Variants in KCNAB1 observed in about 807,000 individuals in gnomAD.
The protein encoded by KCNAB1 is potassium voltage-gated channel subfamily A regulatory beta subunit 1.
KCNAB1 carries 35 observed loss-of-function variants against 64.6 expected under a neutral mutation model. That is an observed-to-expected ratio of 0.54 (90% CI 0.41 to 0.72). The LOEUF (loss-of-function observed/expected upper bound fraction) is 0.72. Among genes scored for constraint, KCNAB1 ranks in the 30% least tolerant of loss-of-function variants. The pLI is 0.00. For synonymous variants in KCNAB1, 177 were observed against 183.8 expected, an observed-to-expected ratio of 0.96 and a Z score of 0.30; for missense variants, 401 against 512.9, an observed-to-expected ratio of 0.78 and a Z score of 2.11.
Position 156,335,853 on chromosome 3 carries a change from G to GGTTTT in KCNAB1, c.276-85763_276-85762insGTTTT, listed in dbSNP as rs1553848761. ...AGTGTGATTCTATAAAATTGTTTGG[G>GGTTTT]TTTTTTTTTTTTTTTTGCATTACAC... On this transcript the variant is annotated intron_variant, in intron 1 of 13. Transcript: ENST00000490337. Among the ~76,000 whole-genome samples the GGTTTT allele has an allele frequency of 4.2e-3, 565 of 135,276 alleles. 5 individuals carry two copies. The highest frequency in any genetic ancestry group is 0.015 in the African/African-American group (544 of 36,866). 88.7% of individuals were successfully genotyped at this position (135,276 alleles called of 152,430 possible).
chr3:156,462,365 A>G (rs1469469261), intron 5 of KCNAB1, among the ~76,000 whole-genome samples: 1 of 152,218 alleles, frequency 6.6e-6, no homozygotes, highest in East Asian at 1.9e-4. Context: ...ATTTTTTATA[A>G]TATTCCATCC....
chr3:156,441,167 A>T (rs983944859), intron 2 of KCNAB1: 6 of 152,166 alleles, frequency 3.9e-5, no homozygotes, highest in Admixed American at 2.0e-4. Flanking sequence ...TTGCCATGGA[A>T]TTAAAATTTA....
At chr3:156,255,164 C>A (rs1718033155) in intron 1 of KCNAB1, among the ~76,000 whole-genome samples, 1 of 152,196 alleles carries the variant, frequency 6.6e-6, no homozygotes, top group Non-Finnish European at 1.5e-5. Context: ...TTTGTTCCAA[C>A]AAACCGCTTT....
At chr3:156,348,224 T>C (rs148107999) in intron 1 of KCNAB1, among the ~76,000 whole-genome samples, 6 of 152,048 alleles carry the variant, frequency 3.9e-5, no homozygotes, top group African/African-American at 1.2e-4. Context: ...AAGGAGGGGA[T>C]AGTAAAGAGT....
chr3:156,498,306 G>T (rs541483014), intron 8 of KCNAB1, among the ~76,000 whole-genome samples: 2 of 152,318 alleles, frequency 1.3e-5, no homozygotes, highest in South Asian at 4.1e-4. Context: ...TGGTTCAGCT[G>T]CGTCCCCACC....
intron 1 of KCNAB1, among the ~76,000 whole-genome samples, chr3:156,183,554 G>A (rs1023421610): frequency 2.0e-5 from 3 of 152,152 alleles, no homozygotes. Flanking sequence ...TTGGCTGAAC[G>A]TGTGCTCAGC....
chr3:156,199,392 A>G (rs186610018), intron 1 of KCNAB1, among the ~76,000 whole-genome samples: 59 of 152,326 alleles, frequency 3.9e-4, no homozygotes, highest in African/African-American at 1.4e-3. Flanking sequence ...GTTCTCCTGC[A>G]TAATATCCTG....
intron 1 of KCNAB1, among the ~76,000 whole-genome samples, chr3:156,344,998 A>G (rs1724389033): frequency 1.3e-5 from 2 of 152,236 alleles, no homozygotes; most frequent in Non-Finnish European, 1.5e-5. Flanking sequence ...GCTGCTTAAA[A>G]TCTTTTCTGG....
chr3:156,510,842 T>C (rs1717159777), intron 8 of KCNAB1, among the ~76,000 whole-genome samples: 1 of 152,190 alleles, frequency 6.6e-6, no homozygotes. Flanking sequence ...CACATCCCTG[T>C]GTGCCGGCTT....
At chr3:156,123,501 A>C (rs1713470574) in intron 1 of KCNAB1, among the ~76,000 whole-genome samples, 2 of 152,276 alleles carry the variant, frequency 1.3e-5, no homozygotes, top group Non-Finnish European at 2.9e-5. Flanking sequence ...GGGGAGATTC[A>C]GCAGTCCTGG....
intron 1 of KCNAB1, among the ~76,000 whole-genome samples, chr3:156,171,030 C>T (rs543192657): frequency 1.2e-4 from 19 of 152,214 alleles, no homozygotes; most frequent in African/African-American, 4.1e-4. Context: ...CCAGGAATTA[C>T]GTACACTGCT....
At chr3:156,304,015 A>G (rs1284539206) in intron 1 of KCNAB1, among the ~76,000 whole-genome samples, 2 of 152,204 alleles carry the variant, frequency 1.3e-5, no homozygotes, top group South Asian at 2.1e-4. Flanking sequence ...TTTCAATTTC[A>G]TTTCTTAGCA....
intron 8 of KCNAB1, among the ~76,000 whole-genome samples, chr3:156,479,006 CT>C (rs1249126381): frequency 3.3e-5 from 5 of 152,266 alleles, no homozygotes; most frequent in Admixed American, 6.5e-5. Flanking sequence ...GAAGATGTTC[CT>C]GACAATGGAG....
chr3:156,499,501 T>A (rs1175971295), intron 8 of KCNAB1, among the ~76,000 whole-genome samples: 1 of 152,142 alleles, frequency 6.6e-6, no homozygotes, highest in African/African-American at 2.4e-5. Flanking sequence ...TTCCATGAAA[T>A]TTTTGAGGTC....
At chr3:156,325,702 C>T (rs1722930618) in intron 1 of KCNAB1, among the ~76,000 whole-genome samples, 1 of 151,920 alleles carries the variant, frequency 6.6e-6, no homozygotes, top group African/African-American at 2.4e-5. Flanking sequence ...CCTGTAATCC[C>T]ATCTCTTAGG....
intron 12 of KCNAB1, among the ~76,000 whole-genome samples, chr3:156,525,466 G>T (rs1718249032): frequency 6.6e-6 from 1 of 152,198 alleles, no homozygotes; most frequent in African/African-American, 2.4e-5. Flanking sequence ...TGTACAATGT[G>T]TTTGTGTTTT....
At position 156,255,646 on chromosome 3, in the gene KCNAB1, A is replaced by G. The variant is rs117099254; in HGVS notation, c.275+134760A>G. ...ATGTCTCTGTTCATGCCCTACCCTG[A>G]CTTGAAATGTCCTTGTTTTATCTGT... On this transcript the variant is annotated intron_variant, in intron 1 of 13. Coordinates refer to ENST00000490337, the MANE Select transcript of KCNAB1 (RefSeq NM_172160.3). Among the ~76,000 whole-genome samples the G allele has an allele frequency of 7.8e-4, 118 of 152,174 alleles. 4 individuals are homozygous for G. The East Asian group carries it at 0.022, about 28-fold the overall frequency.
chr3:156,528,338 T>A (rs1348929811), intron 12 of KCNAB1, among the ~76,000 whole-genome samples: 3 of 152,192 alleles, frequency 2.0e-5, no homozygotes, highest in African/African-American at 7.2e-5. Context: ...GGGCAGAAGA[T>A]GTGCTTGGGG....
chr3:156,255,994 G>C (rs1009958249), intron 1 of KCNAB1, among the ~76,000 whole-genome samples: 2 of 152,170 alleles, frequency 1.3e-5, no homozygotes, highest in Admixed American at 6.5e-5. Context: ...AGTGCGGTAG[G>C]TGTTCAGTAA....
Sources: allele counts gnomAD v4.1 joint callset (sites outside exome capture counted in the v4.1 genomes callset), GRCh38; gene constraint gnomAD v4.1.1; transcripts MANE v1.5; gene names NCBI Gene and HGNC (gene_info 2026-07-23, HGNC 2026-07-21).